The following CTIF variants were observed in gnomAD, a reference collection of about 807,000 sequenced individuals.
CTIF encodes the protein CBP80/20-dependent translation initiation factor.
Under a neutral mutation model 66.0 loss-of-function variants are expected in CTIF, and 21 were observed. That is an observed-to-expected ratio of 0.32 (90% CI 0.23 to 0.46). The LOEUF is 0.46. Ranked by LOEUF, CTIF falls within the 20% of genes least tolerant of loss-of-function variation. CTIF has a pLI of 1.00. For synonymous variants in CTIF, 345 were observed against 326.4 expected (o/e 1.06, Z -0.62); for missense variants, 739 against 812.7 (o/e 0.91, Z 1.10).
At chr18:48,633,866 A>G (rs2090766437) in intron 2 of CTIF, among the ~76,000 whole-genome samples, 1 of 152,212 alleles carries the variant, frequency 6.6e-6, no homozygotes, top group African/African-American at 2.4e-5. Flanking sequence ...GGGTGTTCCC[A>G]AACACTTGTC....
In CTIF at chr18:48,664,562, C is replaced by G; in HGVS notation, c.431+11C>G. On this transcript the variant is annotated intron_variant, in intron 5 of 11. Coordinates refer to ENST00000256413, the MANE Select transcript of CTIF (RefSeq NM_014772.3). ...CATCGACCGCGAAGGGTAAGGGGTG[C>G]TGGGGCTCTTACCCAGGGTGGGGTG... is the stretch of plus-strand genomic sequence containing the variant. The G allele has an allele frequency of 6.2e-7, 1 of 1,607,836 alleles. No individual in the cohort carries two copies. Among genetic ancestry groups the G allele is most frequent in the Non-Finnish European group, 8.5e-7 (1 of 1,178,906 alleles).
intron 3 of CTIF, among the ~76,000 whole-genome samples, chr18:48,637,163 G>C (rs1202022433): frequency 1.3e-5 from 2 of 152,206 alleles, no homozygotes; most frequent in Admixed American, 1.3e-4. Context: ...TGGGGGAGCT[G>C]TCAGAGACCT....
At chr18:48,836,543 A>G (rs554025760) in intron 10 of CTIF, among the ~76,000 whole-genome samples, 59 of 152,212 alleles carry the variant, frequency 3.9e-4, no homozygotes, top group Non-Finnish European at 5.1e-4. Context: ...GAGATCCCCA[A>G]CCAACCCCAT....
intron 1 of CTIF, among the ~76,000 whole-genome samples, chr18:48,611,679 G>A (rs1472226453): frequency 2.0e-5 from 3 of 152,222 alleles, no homozygotes; most frequent in Non-Finnish European, 4.4e-5. Context: ...AAGATGCCCT[G>A]TGATTGTCGT....
At chr18:48,607,328 T>C (rs538415586) in intron 1 of CTIF, among the ~76,000 whole-genome samples, 1 of 152,306 alleles carries the variant, frequency 6.6e-6, no homozygotes, top group South Asian at 2.1e-4. Context: ...GTGGTTGCTG[T>C]CCAGCATGCT....
intron 9 of CTIF, among the ~76,000 whole-genome samples, chr18:48,788,867 G>C (rs552281123): frequency 6.6e-6 from 1 of 152,160 alleles, no homozygotes; most frequent in Admixed American, 6.5e-5. Flanking sequence ...CAGTGGACAC[G>C]GATGCTAGAA....
chr18:48,734,303 C>T (rs147071888), intron 7 of CTIF, among the ~76,000 whole-genome samples: 5,002 of 152,312 alleles, frequency 0.033, 270 homozygotes, highest in African/African-American at 0.11. Flanking sequence ...CAGTGGCTCA[C>T]GCCTGTAATC....
intron 2 of CTIF, among the ~76,000 whole-genome samples, chr18:48,623,814 C>T (rs1007353347): frequency 3.9e-5 from 6 of 152,074 alleles, no homozygotes; most frequent in East Asian, 1.9e-4. Flanking sequence ...GTGTTCCTCT[C>T]GTCCTTCCCA....
chr18:48,596,258 G>A (rs375248730), intron 1 of CTIF, among the ~76,000 whole-genome samples: 1 of 152,256 alleles, frequency 6.6e-6, no homozygotes, highest in Non-Finnish European at 1.5e-5. Flanking sequence ...CTCAGGCCTC[G>A]TGTGAGGGCT....
At chr18:48,685,869 G>T (rs1035795805) in intron 6 of CTIF, among the ~76,000 whole-genome samples, 1 of 151,890 alleles carries the variant, frequency 6.6e-6, no homozygotes, top group African/African-American at 2.4e-5. Context: ...TAGAGATGGG[G>T]TTTCACTGTG....
chr18:48,691,457 A>G (rs757680552), intron 6 of CTIF, among the ~76,000 whole-genome samples: 6 of 152,174 alleles, frequency 3.9e-5, no homozygotes, highest in Non-Finnish European at 7.3e-5. Context: ...TACACTTGAG[A>G]TTCTAGATTT....
At chr18:48,552,464 G>C (rs1196368659) in intron 1 of CTIF, among the ~76,000 whole-genome samples, 5 of 152,202 alleles carry the variant, frequency 3.3e-5, no homozygotes, top group Non-Finnish European at 7.3e-5. Context: ...GGGCTAGGAA[G>C]TTCAAGATCA....
rs1908949090 is a variant in CTIF, at chr18:48,761,192, G to A, written c.1072-198G>A. On this transcript the variant is annotated intron_variant, in intron 8 of 11. Coordinates refer to ENST00000256413, the MANE Select transcript of CTIF (RefSeq NM_014772.3). The surrounding 1 kb of genome is among the most constrained non-coding windows in gnomAD (Gnocchi z 4.2). Reference sequence around the variant, plus strand: ...AGTATCAGCCCTGGATGTCATAGGGGCCAAGAAAAAAGGCAACAAGGAGCT... The same window carrying A: ...AGTATCAGCCCTGGATGTCATAGGGACCAAGAAAAAAGGCAACAAGGAGCT... 3.4e-6 allele frequency: 2 copies of A among 580,170 alleles called. No individual in the cohort carries two copies. The highest frequency in any genetic ancestry group is 6.1e-6 in the Non-Finnish European group (2 of 328,678). The allele number at this position is 580,170 out of a possible 1,614,324, so 35.9% of individuals were successfully genotyped here.
chr18:48,648,518 G>A (rs530598957), intron 3 of CTIF, among the ~76,000 whole-genome samples: 1 of 147,928 alleles, frequency 6.8e-6, no homozygotes, highest in African/African-American at 2.4e-5. Flanking sequence ...CACACATGGT[G>A]TTGCCATGAT....
At chr18:48,780,997 T>C (rs1191057057) in intron 9 of CTIF, among the ~76,000 whole-genome samples, 3 of 152,170 alleles carry the variant, frequency 2.0e-5, no homozygotes, top group Non-Finnish European at 4.4e-5. Context: ...CAAGCCAATA[T>C]GTTTGCTGGG....
rs984318357 is a variant in CTIF at position 48,741,286 on chromosome 18, C to A, written c.585-16633C>A. Among the ~76,000 whole-genome samples the A allele has an allele frequency of 8.4e-5, 12 of 142,076 alleles. 1 individual carries two copies. The East Asian group carries it at 1.8e-3, about 22-fold the overall frequency. 93.2% of individuals were successfully genotyped at this position (142,076 alleles called of 152,430 possible). ...TGCTCTTTACTCTGCCCCCGCCCCC[C>A]CTCCTTGGTACATGTTGCCAGGCAG... is the stretch of plus-strand genomic sequence containing the variant. On this transcript the variant is annotated intron_variant, in intron 7 of 11. Coordinates refer to ENST00000256413, the MANE Select transcript of CTIF (RefSeq NM_014772.3).
chr18:48,859,649 G>A lies in CTIF; in HGVS notation c.*90G>A. 2.3e-6 allele frequency: 3 copies of A among 1,279,684 alleles called. No homozygotes were observed. The highest frequency in any genetic ancestry group is 3.4e-6 in the Non-Finnish European group (3 of 883,638). 79.3% of individuals were successfully genotyped at this position (1,279,684 alleles called of 1,614,324 possible). The stretch of plus-strand genomic sequence containing the variant: ...CAGGCGGGAGGACAGGGGTGGCCCT[G>A]GCGGGAGAAAGAAATGGGGAGGAGG... On this transcript the variant is annotated 3_prime_UTR_variant, in exon 12 of 12. Transcript: ENST00000256413.
At chr18:48,732,519 C>T (rs2092465551) in intron 7 of CTIF, among the ~76,000 whole-genome samples, 1 of 152,228 alleles carries the variant, frequency 6.6e-6, no homozygotes. Context: ...AGCATCCCCC[C>T]TGGAGAAGCT....
At chr18:48,690,944 A>G (rs189009445) in intron 6 of CTIF, among the ~76,000 whole-genome samples, 105 of 152,254 alleles carry the variant, frequency 6.9e-4, no homozygotes, top group African/African-American at 1.9e-3. Flanking sequence ...AGAGGGCAGC[A>G]GTAAATAGGT....
Sources: allele counts gnomAD v4.1 joint callset (sites outside exome capture counted in the v4.1 genomes callset), GRCh38; gene constraint gnomAD v4.1.1; non-coding constraint Gnocchi (gnomAD v3.1); transcripts MANE v1.5; gene names NCBI Gene and HGNC (gene_info 2026-07-23, HGNC 2026-07-21).